Variants in KCNK9 observed in about 807,000 individuals in gnomAD.
The protein encoded by KCNK9 is potassium two pore domain channel subfamily K member 9, also known as potassium channel subfamily K member 9.
A neutral mutation model predicts 10.8 loss-of-function variants in KCNK9; 1 was observed. The observed-to-expected ratio is 0.09, with a 90% confidence interval of 0.03 to 0.44. KCNK9 has a LOEUF of 0.44. Ranked by LOEUF, KCNK9 falls within the 20% of genes least tolerant of loss-of-function variation. The probability of loss-of-function intolerance (pLI) is 0.97; values close to 1 mark genes in which losing one functional copy is unlikely to be tolerated. For synonymous variants in KCNK9, 231 were observed against 222.7 expected, an observed-to-expected ratio of 1.04 and a Z score of -0.33; for missense variants, 303 against 515.0, an observed-to-expected ratio of 0.59 and a Z score of 3.98.
intron 1 of KCNK9, among the ~76,000 whole-genome samples, chr8:139,686,888 T>G (rs1241270591): frequency 6.6e-6 from 1 of 152,196 alleles, no homozygotes; most frequent in Non-Finnish European, 1.5e-5. Context: ...ACCTATGGGA[T>G]GCAGCCAAAG....
At chr8:139,632,953 G>A (rs770216985) in intron 1 of KCNK9, among the ~76,000 whole-genome samples, 42 of 152,102 alleles carry the variant, frequency 2.8e-4, no homozygotes, top group African/African-American at 7.2e-4. Flanking sequence ...GGCCCACCCC[G>A]CTTATTGTTC....
chr8:139,603,693 A>G (rs1254261035), intron 2 of KCNK9, among the ~76,000 whole-genome samples: 2 of 152,188 alleles, frequency 1.3e-5, no homozygotes, highest in African/African-American at 4.8e-5. Context: ...GTCTTGTCCA[A>G]CCTGCTCAGG....
chr8:139,620,641 T>C (rs751176743), intron 1 of KCNK9, among the ~76,000 whole-genome samples: 1 of 152,102 alleles, frequency 6.6e-6, no homozygotes, highest in African/African-American at 2.4e-5. Flanking sequence ...CCTACCCCCA[T>C]GGGCCAAACT....
chr8:139,647,438 G>T (rs1315958100), intron 1 of KCNK9, among the ~76,000 whole-genome samples: 2 of 152,220 alleles, frequency 1.3e-5, no homozygotes, highest in Non-Finnish European at 2.9e-5. Context: ...ATTCTCATGT[G>T]GGAGGGGGCA....
chr8:139,627,379 G>A (rs115899475), intron 1 of KCNK9, among the ~76,000 whole-genome samples: 107 of 152,282 alleles, frequency 7.0e-4, no homozygotes, highest in African/African-American at 2.5e-3. Context: ...GCACTCTGAT[G>A]GTTTCAGCAA....
At chr8:139,643,164 C>T (rs1170166582) in intron 1 of KCNK9, among the ~76,000 whole-genome samples, 1 of 152,214 alleles carries the variant, frequency 6.6e-6, no homozygotes, top group African/African-American at 2.4e-5. Context: ...GTTCCATTCC[C>T]ATCACTGCCC....
intron 1 of KCNK9, among the ~76,000 whole-genome samples, chr8:139,625,711 G>A (rs1372974919): frequency 1.4e-5 from 2 of 146,888 alleles, no homozygotes; most frequent in African/African-American, 5.2e-5. Context: ...TGCTGCAGCT[G>A]GCTAACAAAA....
downstream of KCNK9, among the ~76,000 whole-genome samples, chr8:139,609,111 A>ACCCCGCCCCAC (rs1554617336): frequency 1.5e-5 from 1 of 67,234 alleles, no homozygotes; most frequent in African/African-American, 5.9e-5. Flanking sequence ...ATCCCACCCC[A>ACCCCGCCCCAC]CCCCGCCCCG....
rs186918396 is a variant in KCNK9 at position 139,665,437 on chromosome 8, C to G, written c.283+37273G>C. Among the ~76,000 whole-genome samples the G allele has an allele frequency of 9.2e-5, 14 of 152,308 alleles. No individual in the cohort carries two copies. The East Asian group carries it at 2.5e-3, about 27-fold the overall frequency. On this transcript the variant is annotated intron_variant, in intron 1 of 1. Transcript: ENST00000520439. ...GGGCCCACCTGGATTGATCCAGGAA[C>G]CTCGCCCTTTCTTAAGCTCAGGTGA...
chr8:139,636,661 G>A (rs1207260447), intron 1 of KCNK9, among the ~76,000 whole-genome samples: 2 of 152,186 alleles, frequency 1.3e-5, no homozygotes, highest in African/African-American at 4.8e-5. Flanking sequence ...TGAGAACACT[G>A]GCAAAACCAT....
Position 139,641,638 on chromosome 8 carries a change from C to A in KCNK9, c.284-22539G>T, listed in dbSNP as rs962811532. On this transcript the variant is annotated intron_variant, in intron 1 of 1. Coordinates refer to ENST00000520439, the MANE Select transcript of KCNK9 (RefSeq NM_001282534.2). ...CCCCAGCGCTCTGGCCTGCCCCCCC[C>A]CCGCACTTTCTGCTACACACCCAAT... Among the ~76,000 whole-genome samples, 15 of 146,050 alleles carry A rather than the reference C, an allele frequency of 1.0e-4. No individual in the cohort carries two copies. In the East Asian group the frequency reaches 2.0e-3, roughly 19 times the overall value.
At chr8:139,630,809 C>G (rs115478071) in intron 1 of KCNK9, among the ~76,000 whole-genome samples, 1,885 of 152,338 alleles carry the variant, frequency 0.012, 33 homozygotes, top group African/African-American at 0.042. Flanking sequence ...AGGCACACCC[C>G]CTTCTCAGTC....
intron 1 of KCNK9, among the ~76,000 whole-genome samples, chr8:139,627,786 T>A (rs1352896190): frequency 6.6e-6 from 1 of 152,208 alleles, no homozygotes; most frequent in African/African-American, 2.4e-5. Context: ...CTCCCCTGTG[T>A]CTCTTGTGGT....
intron 1 of KCNK9, among the ~76,000 whole-genome samples, chr8:139,657,284 TG>T (rs1363037069): frequency 6.6e-6 from 1 of 152,216 alleles, no homozygotes; most frequent in Non-Finnish European, 1.5e-5. Context: ...CTCATGGGTC[TG>T]GCTAGAAAAC....
chr8:139,670,174 C>A (rs1027754691), intron 1 of KCNK9, among the ~76,000 whole-genome samples: 2 of 152,198 alleles, frequency 1.3e-5, no homozygotes, highest in South Asian at 4.1e-4. Context: ...TCAGAACACA[C>A]AACATTTATC....
chr8:139,687,657 T>C (rs1327120920), intron 1 of KCNK9, among the ~76,000 whole-genome samples: 3 of 58,218 alleles, frequency 5.2e-5, no homozygotes, highest in South Asian at 5.9e-4. Flanking sequence ...TATATATTCA[T>C]ATGTATACAT....
rs1386620569 is a variant in KCNK9, at chr8:139,617,538, A to ACAT, written c.*717_*719dup. Among the ~76,000 whole-genome samples, 1 of 152,192 alleles carries ACAT rather than the reference A, an allele frequency of 6.6e-6. No homozygotes were observed. The highest frequency in any genetic ancestry group is 1.5e-5 in the Non-Finnish European group (1 of 68,032). On this transcript the variant is annotated 3_prime_UTR_variant, in exon 2 of 2. Transcript: ENST00000520439. ...CGTCTTGCCCACCCGCCCCTAAAAA[A>ACAT]CATTAATATAATTTAGAACCTAGCA... is the stretch of plus-strand genomic sequence containing the variant.
At chr8:139,625,725 GA>G (rs113414842) in intron 1 of KCNK9, among the ~76,000 whole-genome samples, 9,386 of 136,808 alleles carry the variant, frequency 0.069, 604 homozygotes, top group African/African-American at 0.18. Flanking sequence ...AACAAAACAG[GA>G]AAAAAAAAAA....
At chr8:139,688,143 G>C (rs528453551) in intron 1 of KCNK9, among the ~76,000 whole-genome samples, 2 of 152,198 alleles carry the variant, frequency 1.3e-5, no homozygotes, top group Middle Eastern at 3.4e-3. Context: ...AAGGAGATAG[G>C]ATCACCCATA....
Sources: gnomAD v4.1 joint callset for allele counts (sites outside exome capture counted in the v4.1 genomes callset) on GRCh38, gnomAD v4.1.1 for gene constraint, MANE v1.5 for transcripts, NCBI Gene and HGNC (gene_info 2026-07-23, HGNC 2026-07-21) for gene names.